Variants in ATF6 observed in about 807,000 individuals in gnomAD.
ATF6 encodes activating transcription factor 6.
A neutral mutation model predicts 83.6 loss-of-function variants in ATF6; 53 were observed. The observed-to-expected ratio is 0.63, with a 90% CI of 0.51 to 0.80. The LOEUF is 0.80. ATF6 is among the 30% of genes least tolerant of loss of function. ATF6 has a pLI of 0.00. For synonymous variants in ATF6, 288 were observed against 285.8 expected (o/e 1.01, Z -0.08); for missense variants, 744 against 797.9 (o/e 0.93, Z 0.81).
intron 14 of ATF6, among the ~76,000 whole-genome samples, chr1:161,889,971 C>A (rs1262738822): frequency 6.6e-6 from 1 of 152,210 alleles, no homozygotes; most frequent in Non-Finnish European, 1.5e-5. Flanking sequence ...CCCATACACC[C>A]TTTATGCAGA....
intron 9 of ATF6, among the ~76,000 whole-genome samples, chr1:161,837,799 A>G (rs559733949): frequency 2.4e-4 from 36 of 152,214 alleles, no homozygotes; most frequent in Non-Finnish European, 4.7e-4. Context: ...TGTTGTATTA[A>G]GCCATTATTT....
At chr1:161,864,660 C>T (rs962242092) in intron 14 of ATF6, among the ~76,000 whole-genome samples, 11 of 152,142 alleles carry the variant, frequency 7.2e-5, no homozygotes, top group Admixed American at 6.5e-5. Context: ...TTAGCCATAG[C>T]GTCTCATGAT....
rs544700552 is a variant in ATF6 at position 161,901,394 on chromosome 1, A to G, written c.1720-10902A>G. ...ATCATTAGCCATTAGTAGAAATAAA[A>G]ATTAAGAAATGTTTAAAATATTTAA... On this transcript the variant is annotated intron_variant, in intron 14 of 15. Coordinates refer to ENST00000367942, the MANE Select transcript of ATF6 (RefSeq NM_007348.4). Among the ~76,000 whole-genome samples, 6 of 152,074 alleles carry G rather than the reference A, an allele frequency of 3.9e-5. No homozygotes were observed. The South Asian group carries it at 1.2e-3, about 31-fold the overall frequency.
At position 161,797,593 on chromosome 1, in the gene ATF6, A is replaced by G. The variant is rs185294825; in HGVS notation, c.689-4459A>G. ...GATAGCCAAAAAAAGAATATAAAGT[A>G]CCTGGGAATACAGCAAGCTGGGGAG... On this transcript the variant is annotated intron_variant, in intron 6 of 15. Transcript: ENST00000367942. Among the ~76,000 whole-genome samples the G allele has an allele frequency of 5.9e-5, 9 of 152,296 alleles. No individual in the cohort carries two copies. The East Asian group carries it at 1.7e-3, about 29-fold the overall frequency.
intron 9 of ATF6, among the ~76,000 whole-genome samples, chr1:161,824,935 G>C (rs1192688067): frequency 1.3e-5 from 2 of 152,020 alleles, no homozygotes; most frequent in Non-Finnish European, 2.9e-5. Context: ...TAAACATATA[G>C]GCATTAAAAA....
intron 14 of ATF6, among the ~76,000 whole-genome samples, chr1:161,911,677 G>A (rs959341848): frequency 6.6e-6 from 1 of 152,212 alleles, no homozygotes; most frequent in Non-Finnish European, 1.5e-5. Flanking sequence ...CCTTCAAAGG[G>A]AGAAGAGGAG....
At chr1:161,790,523 CT>C (rs1285697227) in intron 4 of ATF6, among the ~76,000 whole-genome samples, 2 of 152,048 alleles carry the variant, frequency 1.3e-5, no homozygotes, top group Non-Finnish European at 2.9e-5. Flanking sequence ...GAAAATAGCA[CT>C]GTTGGCTGGG....
At chr1:161,771,874 A>G (rs1684397001) in intron 1 of ATF6, among the ~76,000 whole-genome samples, 1 of 152,210 alleles carries the variant, frequency 6.6e-6, no homozygotes, top group Non-Finnish European at 1.5e-5. Flanking sequence ...CAGTATCCTT[A>G]GAGAAGATCC....
chr1:161,911,611 T>C (rs1363614570), intron 14 of ATF6, among the ~76,000 whole-genome samples: 2 of 152,260 alleles, frequency 1.3e-5, no homozygotes, highest in Non-Finnish European at 2.9e-5. Context: ...GCAAAAACTG[T>C]ACAACTTCTT....
chr1:161,807,672 G>C (rs1278866809), intron 7 of ATF6, among the ~76,000 whole-genome samples: 1 of 152,022 alleles, frequency 6.6e-6, no homozygotes. Context: ...TGTAGGTTTG[G>C]AGCTTCTAAA....
intron 14 of ATF6, among the ~76,000 whole-genome samples, chr1:161,902,677 T>C (rs1687810475): frequency 6.6e-6 from 1 of 152,220 alleles, no homozygotes; most frequent in Admixed American, 6.5e-5. Context: ...ATAAATCGTT[T>C]GTGGTTACCT....
intron 3 of ATF6, among the ~76,000 whole-genome samples, chr1:161,783,423 G>C (rs531316993): frequency 1.4e-4 from 21 of 152,206 alleles, no homozygotes; most frequent in African/African-American, 4.6e-4. Context: ...AAGGGATACT[G>C]CCTGGGCCAT....
intron 14 of ATF6, among the ~76,000 whole-genome samples, chr1:161,888,405 A>G (rs1473136494): frequency 6.6e-6 from 1 of 152,178 alleles, no homozygotes; most frequent in African/African-American, 2.4e-5. Context: ...ATTGTGGTCA[A>G]TATTTGATTT....
chr1:161,863,883 T>C (rs1378090543), intron 14 of ATF6, among the ~76,000 whole-genome samples: 2 of 152,252 alleles, frequency 1.3e-5, no homozygotes, highest in Non-Finnish European at 2.9e-5. Context: ...TTGAATGTTA[T>C]GAATGTTAGG....
At chr1:161,902,478 C>T (rs1050657733) in intron 14 of ATF6, among the ~76,000 whole-genome samples, 9 of 152,196 alleles carry the variant, frequency 5.9e-5, no homozygotes, top group African/African-American at 1.7e-4. Context: ...TAGCTTGGTG[C>T]CACTACATAG....
intron 14 of ATF6, among the ~76,000 whole-genome samples, chr1:161,897,673 G>T (rs1278188241): frequency 6.6e-6 from 1 of 152,134 alleles, no homozygotes; most frequent in African/African-American, 2.4e-5. Context: ...CACTAGTCTT[G>T]AAATGTAGCT....
At chr1:161,871,904 T>C (rs532073949) in intron 14 of ATF6, among the ~76,000 whole-genome samples, 1 of 151,554 alleles carries the variant, frequency 6.6e-6, no homozygotes, top group African/African-American at 2.4e-5. Flanking sequence ...TTAAACTCTT[T>C]GAAGTTACTA....
At chr1:161,833,401 C>T (rs1284949724) in intron 9 of ATF6, among the ~76,000 whole-genome samples, 14 of 151,992 alleles carry the variant, frequency 9.2e-5, no homozygotes, top group Non-Finnish European at 1.5e-4. Flanking sequence ...CAAAGCTGGA[C>T]GGAGAATGAC....
At chr1:161,783,820 C>T (rs989200573) in intron 3 of ATF6, among the ~76,000 whole-genome samples, 170 bp from the exon 4 acceptor site, 2 of 151,732 alleles carry the variant, frequency 1.3e-5, no homozygotes, top group African/African-American at 4.8e-5. Context: ...CAAGTGGAAA[C>T]ATACTAGATA....
Sources: gnomAD v4.1 joint callset for allele counts (sites outside exome capture counted in the v4.1 genomes callset) on GRCh38, gnomAD v4.1.1 for gene constraint, MANE v1.5 for transcripts, NCBI Gene and HGNC (gene_info 2026-07-23, HGNC 2026-07-21) for gene names.